The following RPS6KA5 variants were observed in gnomAD, a reference collection of about 807,000 sequenced individuals.
RPS6KA5 encodes ribosomal protein S6 kinase A5, also known as ribosomal protein S6 kinase alpha-5.
In RPS6KA5, 27 loss-of-function variants were observed where a neutral mutation model predicts 85.5. The observed-to-expected ratio is 0.32, with a 90% CI of 0.23 to 0.44. RPS6KA5 has a LOEUF of 0.44. Among genes scored for constraint, RPS6KA5 ranks in the 20% least tolerant of loss-of-function variants. RPS6KA5 has a pLI of 1.00. For missense variants in RPS6KA5, 811 were observed against 980.9 expected, an observed-to-expected ratio of 0.83 and a Z score of 2.31; for synonymous variants, 334 against 348.2, an observed-to-expected ratio of 0.96 and a Z score of 0.46.
At chr14:91,002,306 T>C (rs1334977307) in intron 1 of RPS6KA5, among the ~76,000 whole-genome samples, 1 of 152,072 alleles carries the variant, frequency 6.6e-6, no homozygotes, top group Non-Finnish European at 1.5e-5. Flanking sequence ...CAAAAGCAAA[T>C]ACAACAAAAT....
chr14:91,033,477 C>T (rs1466367072), intron 1 of RPS6KA5, among the ~76,000 whole-genome samples: 1 of 151,924 alleles, frequency 6.6e-6, no homozygotes, highest in Non-Finnish European at 1.5e-5. Context: ...TGGTGCATGC[C>T]TGTAATCCCA....
chr14:90,913,542 A>T (rs1230262925), intron 7 of RPS6KA5, among the ~76,000 whole-genome samples: 1 of 152,160 alleles, frequency 6.6e-6, no homozygotes, highest in Non-Finnish European at 1.5e-5. Flanking sequence ...GTACAGTTAG[A>T]TTGTTGGTGG....
At chr14:91,030,704 T>C (rs913033405) in intron 1 of RPS6KA5, among the ~76,000 whole-genome samples, 6 of 147,676 alleles carry the variant, frequency 4.1e-5, no homozygotes, top group African/African-American at 1.5e-4. Flanking sequence ...AAAGTATAAT[T>C]ATCCTTAAGG....
chr14:90,945,085 CTACAAAAAA>C lies in RPS6KA5; in HGVS notation c.511-1909_511-1901del, dbSNP rs539941976. Among the ~76,000 whole-genome samples, 311 of 152,168 alleles carry C rather than the reference CTACAAAAAA, an allele frequency of 2.0e-3. 2 individuals carry two copies. The highest frequency in any genetic ancestry group is 7.3e-3 in the African/African-American group (304 of 41,510). ...TGGGCAACATGGCAAAACCCTGTCT[CTACAAAAAA>C]TACAAAAATTAGCCAGGTGTGGTTG... is the stretch of plus-strand genomic sequence containing the variant. On this transcript the variant is annotated intron_variant, in intron 4 of 16. Transcript: ENST00000614987.
At chr14:90,911,096 CTGTTT>C (rs1435946147) in intron 7 of RPS6KA5, among the ~76,000 whole-genome samples, 2 of 152,102 alleles carry the variant, frequency 1.3e-5, no homozygotes, top group African/African-American at 2.4e-5. Context: ...TCCCTTGACT[CTGTTT>C]TATTTTTCTT....
chr14:91,044,088 A>C lies in RPS6KA5; in HGVS notation c.103+16244T>G, dbSNP rs576649690. The stretch of plus-strand genomic sequence containing the variant: ...CTAAAAATACAAAAATTAGCTGGGC[A>C]TGGTGGTGGGCACTTGTAATCCCAG... On this transcript the variant is annotated intron_variant, in intron 1 of 16. Transcript: ENST00000614987. 7.2e-5 allele frequency among the ~76,000 whole-genome samples: 11 copies of C among 152,036 alleles called. No individual in the cohort carries two copies. In the South Asian group the frequency reaches 2.3e-3, roughly 32 times the overall value.
At chr14:91,024,968 G>A (rs1344185890) in intron 1 of RPS6KA5, among the ~76,000 whole-genome samples, 3 of 151,866 alleles carry the variant, frequency 2.0e-5, no homozygotes, top group Admixed American at 2.0e-4. Flanking sequence ...TGCAACCTCT[G>A]CCTCCTGGGT....
intron 1 of RPS6KA5, among the ~76,000 whole-genome samples, chr14:91,058,535 T>C (rs1359224719): frequency 6.6e-6 from 1 of 152,212 alleles, no homozygotes; most frequent in African/African-American, 2.4e-5. Context: ...TGCTGTACAG[T>C]AGGATTCCAT....
intron 5 of RPS6KA5, among the ~76,000 whole-genome samples, chr14:90,928,560 TAC>T (rs1013730170): frequency 1.8e-4 from 27 of 151,906 alleles, no homozygotes; most frequent in African/African-American, 6.0e-4. Flanking sequence ...TTACTATAGT[TAC>T]AGAGATTTTT....
intron 7 of RPS6KA5, among the ~76,000 whole-genome samples, chr14:90,914,862 C>T (rs1351948464): frequency 6.6e-6 from 1 of 152,118 alleles, no homozygotes; most frequent in Non-Finnish European, 1.5e-5. Context: ...GCAATTGCCT[C>T]GTGTAGACGA....
At chr14:90,951,819 C>A (rs1328120881) in intron 3 of RPS6KA5, among the ~76,000 whole-genome samples, 3 of 152,112 alleles carry the variant, frequency 2.0e-5, no homozygotes, top group African/African-American at 4.8e-5. Flanking sequence ...CCATTCTGAG[C>A]CCAGAACACC....
At chr14:91,032,539 C>T (rs1595516151) in intron 1 of RPS6KA5, among the ~76,000 whole-genome samples, 1 of 152,260 alleles carries the variant, frequency 6.6e-6, no homozygotes, top group African/African-American at 2.4e-5. Flanking sequence ...TAATACCTAA[C>T]TATGCACTAC....
At chr14:90,965,516 T>C (rs1362204209) in intron 3 of RPS6KA5, among the ~76,000 whole-genome samples, 1 of 152,092 alleles carries the variant, frequency 6.6e-6, no homozygotes. Context: ...CCTGATCATC[T>C]CAGACAGAGA....
In RPS6KA5 at chr14:90,862,628, T is replaced by C. The variant is rs2032616727; in HGVS notation, c.*9446A>G. The C allele has an allele frequency of 6.6e-6, 1 of 152,094 alleles. No homozygotes were observed. The highest frequency in any genetic ancestry group is 1.5e-5 in the Non-Finnish European group (1 of 68,028). The allele number at this position is 152,094 out of a possible 1,614,324, so 9.4% of individuals were successfully genotyped here. A position where few individuals can be genotyped will look rare whatever the true frequency, so the allele number is the denominator to read the frequency against. ...TACTACAGGTGTGCACCACCATCCTTGGCTAATTAATCTTTTGTAGAGATG... is the reference window on the plus strand; with the variant it reads ...TACTACAGGTGTGCACCACCATCCTCGGCTAATTAATCTTTTGTAGAGATG... On this transcript the variant is annotated 3_prime_UTR_variant, in exon 17 of 17. Transcript: ENST00000614987.
At chr14:90,965,948 G>C (rs771740608) in intron 3 of RPS6KA5, among the ~76,000 whole-genome samples, 1 of 152,142 alleles carries the variant, frequency 6.6e-6, no homozygotes, top group Admixed American at 6.5e-5. Flanking sequence ...GAAGATTATG[G>C]TTAAAGACTT....
At position 90,920,401 on chromosome 14, in the gene RPS6KA5, A is replaced by C. The variant is rs1441943303; in HGVS notation, c.703-92T>G. 3 of 908,626 alleles carry C rather than the reference A, an allele frequency of 3.3e-6. No individual in the cohort carries two copies. In the East Asian group the frequency reaches 8.0e-5, roughly 24 times the overall value. The allele number at this position is 908,626 out of a possible 1,614,324, so 56.3% of individuals were successfully genotyped here. A position where few individuals can be genotyped will look rare whatever the true frequency, so the allele number is the denominator to read the frequency against. On this transcript the variant is annotated intron_variant, in intron 6 of 16. Coordinates refer to ENST00000614987, the MANE Select transcript of RPS6KA5 (RefSeq NM_004755.4). ...TGAATAAAAGCTATCTATTAGGAAA[A>C]TGTTTTAAAAAATGATTTTGTACAC...
intron 1 of RPS6KA5, among the ~76,000 whole-genome samples, chr14:91,028,096 T>TATGTAATAAATGA (rs2042051561): frequency 6.6e-6 from 1 of 152,232 alleles, no homozygotes. Context: ...AATATTTTAT[T>TATGTAATAAATGA]TGGCCAAATG....
At position 90,858,564 on chromosome 14, in the gene RPS6KA5, T is replaced by A. The variant is rs2032393025; in HGVS notation, c.*13510A>T. 1 of 152,128 alleles carries A rather than the reference T, an allele frequency of 6.6e-6. No homozygotes were observed. The highest frequency in any genetic ancestry group is 2.4e-5 in the African/African-American group (1 of 41,420). The allele number at this position is 152,128 out of a possible 1,614,324, so 9.4% of individuals were successfully genotyped here. A position where few individuals can be genotyped will look rare whatever the true frequency, so the allele number is the denominator to read the frequency against. ...TAAAAGCGAGAGTTCGTGGCAAAGT[T>A]ATCTTGGGGTAAATACTGCAGCAGC... On this transcript the variant is annotated 3_prime_UTR_variant, in exon 17 of 17. Transcript: ENST00000614987.
intron 1 of RPS6KA5, among the ~76,000 whole-genome samples, chr14:91,044,766 G>A (rs1037613101): frequency 6.6e-6 from 1 of 151,566 alleles, no homozygotes; most frequent in East Asian, 1.9e-4. Context: ...AGCTACTCGG[G>A]AAGCTGAGGC....
Sources: allele counts gnomAD v4.1 joint callset (sites outside exome capture counted in the v4.1 genomes callset), GRCh38; gene constraint gnomAD v4.1.1; transcripts MANE v1.5; gene names NCBI Gene and HGNC (gene_info 2026-07-23, HGNC 2026-07-21).